Variants in LUC7L observed in about 807,000 individuals in gnomAD.
The protein encoded by LUC7L is LUC7 like.
Under a neutral mutation model 51.1 loss-of-function variants are expected in LUC7L, and 29 were observed. That is an observed-to-expected ratio of 0.57 (90% CI 0.42 to 0.77). The LOEUF (loss-of-function observed/expected upper bound fraction) is 0.77, where lower values mean the gene tolerates loss of function less well. Among genes scored for constraint, LUC7L ranks in the 30% least tolerant of loss-of-function variants. The pLI is 0.00. For missense variants in LUC7L, 403 were observed against 511.9 expected (o/e 0.79, Z 2.05); for synonymous variants, 181 against 180.7 (o/e 1.00, Z -0.01).
chr16:213,400 T>C (rs899227078), intron 3 of LUC7L, among the ~76,000 whole-genome samples: 11 of 151,966 alleles, frequency 7.2e-5, no homozygotes, highest in Admixed American at 6.6e-4. Context: ...CACAATTTTT[T>C]TTTTGGAAGG....
intron 6 of LUC7L, among the ~76,000 whole-genome samples, chr16:193,815 T>TTC (rs2049076881): frequency 6.6e-6 from 1 of 150,954 alleles, no homozygotes; most frequent in Non-Finnish European, 1.5e-5. Flanking sequence ...ACTTTTTTTT[T>TTC]TTTTTTGAGA....
intron 7 of LUC7L, among the ~76,000 whole-genome samples, chr16:192,125 CAGG>C (rs2049025797): frequency 6.6e-6 from 1 of 152,096 alleles, no homozygotes; most frequent in East Asian, 1.9e-4. Flanking sequence ...GGCCAGAAAC[CAGG>C]AGACCAGCTT....
At chr16:193,687 G>A (rs1306624892) in intron 6 of LUC7L, among the ~76,000 whole-genome samples, 1 of 151,810 alleles carries the variant, frequency 6.6e-6, no homozygotes, top group Non-Finnish European at 1.5e-5. Context: ...TAGAGACGGG[G>A]TTTCACCATG....
At chr16:198,607 C>A (rs1167467225) in intron 6 of LUC7L, among the ~76,000 whole-genome samples, 7 of 152,170 alleles carry the variant, frequency 4.6e-5, no homozygotes, top group Non-Finnish European at 1.0e-4. Flanking sequence ...TCTGAGCTAT[C>A]ATGTCTCTTG....
chr16:225,786 G>A (rs1339638932), intron 2 of LUC7L, among the ~76,000 whole-genome samples: 11 of 149,642 alleles, frequency 7.4e-5, no homozygotes, highest in African/African-American at 2.7e-4. Context: ...CACCCAGCCT[G>A]AAATTCTGTC....
intron 3 of LUC7L, among the ~76,000 whole-genome samples, chr16:211,880 C>G (rs1168566870): frequency 6.6e-6 from 1 of 152,222 alleles, no homozygotes; most frequent in East Asian, 1.9e-4. Flanking sequence ...CCCGGCCCAG[C>G]AGCACTGACA....
chr16:205,789 G>A (rs1302035240), intron 5 of LUC7L, among the ~76,000 whole-genome samples: 5 of 152,048 alleles, frequency 3.3e-5, no homozygotes, highest in African/African-American at 1.2e-4. Flanking sequence ...ACGGGGATTC[G>A]CTGTGTTAGC....
Position 223,009 on chromosome 16 carries a change from G to GA in LUC7L, c.157-2263dup, listed in dbSNP as rs112870213. Among the ~76,000 whole-genome samples the GA allele has an allele frequency of 3.0e-3, 460 of 151,242 alleles. 2 individuals are homozygous for GA. The highest frequency in any genetic ancestry group is 0.01 in the African/African-American group (430 of 41,236). ...TAAACCTTTAATCCATCTTGAGGGG[G>GA]AAAAAAATAGAGAGGCTTGCATGTC... is the stretch of plus-strand genomic sequence containing the variant. On this transcript the variant is annotated intron_variant, in intron 2 of 9. Coordinates refer to ENST00000293872, the MANE Select transcript of LUC7L (RefSeq NM_201412.3).
At chr16:205,308 G>C (rs925652429) in intron 5 of LUC7L, among the ~76,000 whole-genome samples, 3 of 152,146 alleles carry the variant, frequency 2.0e-5, no homozygotes, top group Non-Finnish European at 4.4e-5. Flanking sequence ...AGCCACCATA[G>C]CTGGCCATAT....
chr16:225,459 C>T (rs949933506), intron 2 of LUC7L, among the ~76,000 whole-genome samples: 2 of 148,044 alleles, frequency 1.4e-5, no homozygotes, highest in African/African-American at 5.0e-5. Flanking sequence ...GCACTCCAGC[C>T]TGGGCAACAA....
intron 3 of LUC7L, among the ~76,000 whole-genome samples, chr16:212,250 G>A (rs2049665131): frequency 6.6e-6 from 1 of 152,164 alleles, no homozygotes; most frequent in South Asian, 2.1e-4. Flanking sequence ...CTGAGATCGT[G>A]CCATTGCACT....
intron 3 of LUC7L, among the ~76,000 whole-genome samples, chr16:213,164 T>G (rs1346638484): frequency 6.6e-6 from 1 of 152,156 alleles, no homozygotes; most frequent in East Asian, 1.9e-4. Flanking sequence ...ATAACAAATA[T>G]AGCACACATC....
chr16:229,107 A>C, intron 1 of LUC7L, 172 bp downstream of exon 1: 1 of 1,414,458 alleles, frequency 7.1e-7, no homozygotes, highest in Non-Finnish European at 9.2e-7. Context: ...GCCGCCTCAG[A>C]GACGCACCGG....
intron 4 of LUC7L, among the ~76,000 whole-genome samples, chr16:207,381 C>T (rs1480453440): frequency 6.6e-6 from 1 of 152,078 alleles, no homozygotes; most frequent in Admixed American, 6.6e-5. Context: ...ACCACCAAGC[C>T]TGGCTAATAT....
At chr16:228,685 A>T (rs2050187147) in intron 1 of LUC7L, 1 of 1,199,270 alleles carries the variant, frequency 8.3e-7, no homozygotes, top group South Asian at 1.5e-5. Flanking sequence ...GCTCCTCCCT[A>T]CACAGTACAA....
At chr16:209,660 A>G (rs2049583636) in intron 3 of LUC7L, 1 of 152,162 alleles carries the variant, frequency 6.6e-6, no homozygotes, top group African/African-American at 2.4e-5. Context: ...ATCTTTTACC[A>G]AAAACTAAAT....
In LUC7L at chr16:189,998, C is replaced by G. The variant is rs146490197; in HGVS notation, c.944G>C (p.Arg315Pro). The G allele has an allele frequency of 1.9e-6, 3 of 1,613,682 alleles. No individual in the cohort carries two copies. Among genetic ancestry groups the G allele is most frequent in the Non-Finnish European group, 2.5e-6 (3 of 1,179,694 alleles). ...TTTCGCACTTCGGTCCCGGGAAGCC[C>G]GACGATGTCCCCGGCTGTGGCTCCG... ...RSRSHSRGHR[R>P]ASRDRSAKYK... is the part of the protein sequence containing the mutation. Residue 315 changes from arginine (R) to proline (P), a missense_variant, in exon 9 of 10, where the codon CGG becomes CCG. This residue lies in a region of LUC7L where 206 missense variants were observed against 218.3 expected (regional missense o/e 0.94). Transcript: ENST00000293872.
chr16:215,475 C>A (rs967643154), intron 3 of LUC7L, among the ~76,000 whole-genome samples: 6 of 152,018 alleles, frequency 3.9e-5, no homozygotes, highest in African/African-American at 1.4e-4. Context: ...AAAAAATTAG[C>A]CAGGCATGGT....
intron 5 of LUC7L, among the ~76,000 whole-genome samples, chr16:201,242 T>TAAAAAAAAA (rs764945208): frequency 8.9e-5 from 7 of 78,486 alleles, no homozygotes; most frequent in African/African-American, 1.5e-4. Flanking sequence ...GCTACATAAC[T>TAAAAAAAAA]AAAAAAAAAA....
Sources: allele counts gnomAD v4.1 joint callset (sites outside exome capture counted in the v4.1 genomes callset), GRCh38; gene constraint gnomAD v4.1.1; regional missense constraint gnomAD v4.1.1; transcripts MANE v1.5; gene names NCBI Gene and HGNC (gene_info 2026-07-23, HGNC 2026-07-21).